BICD1: variants seen among roughly 807,000 people sequenced by gnomAD.
BICD1 encodes the protein BICD cargo adaptor 1.
In BICD1, 35 loss-of-function variants were observed where a neutral mutation model predicts 92.5. That is an observed-to-expected ratio of 0.38 (90% CI 0.29 to 0.50). BICD1 has a LOEUF of 0.50. BICD1 is among the 20% of genes least tolerant of loss of function. The probability of loss-of-function intolerance (pLI) is 0.93; values close to 1 mark genes in which losing one functional copy is unlikely to be tolerated. For missense variants in BICD1, 950 were observed against 1,189.8 expected, an observed-to-expected ratio of 0.80 and a Z score of 2.97; for synonymous variants, 429 against 465.1, an observed-to-expected ratio of 0.92 and a Z score of 1.00.
chr12:32,155,415 G>A (rs1943409853), intron 1 of BICD1, among the ~76,000 whole-genome samples: 1 of 152,194 alleles, frequency 6.6e-6, no homozygotes, highest in South Asian at 2.1e-4. Flanking sequence ...TTAATAGGCT[G>A]AGGATTTCAG....
intron 1 of BICD1, among the ~76,000 whole-genome samples, chr12:32,188,886 C>G (rs550175322): frequency 6.6e-6 from 1 of 152,200 alleles, no homozygotes; most frequent in South Asian, 2.1e-4. Flanking sequence ...CACTACCATG[C>G]CTGGCTAATT....
chr12:32,201,517 G>C (rs1041310255), intron 1 of BICD1, among the ~76,000 whole-genome samples: 2 of 151,610 alleles, frequency 1.3e-5, no homozygotes, highest in African/African-American at 4.9e-5. Flanking sequence ...AAATTAGGGG[G>C]GAAATTATTT....
intron 1 of BICD1, among the ~76,000 whole-genome samples, chr12:32,198,349 T>TATATATATATATATATATATATAC (rs1944794686): frequency 1.4e-5 from 2 of 142,466 alleles, no homozygotes; most frequent in Non-Finnish European, 3.1e-5. Context: ...TATATATATA[T>TATATATATATATATATATATATAC]ATATTCCAAA....
intron 2 of BICD1, among the ~76,000 whole-genome samples, chr12:32,292,131 GA>G (rs1415936157): frequency 6.6e-6 from 1 of 152,186 alleles, no homozygotes; most frequent in Non-Finnish European, 1.5e-5. Flanking sequence ...CCAAAAGTCA[GA>G]AATCATGGTG....
At chr12:32,177,788 T>TTA (rs1944158331) in intron 1 of BICD1, among the ~76,000 whole-genome samples, 2 of 51,042 alleles carry the variant, frequency 3.9e-5, no homozygotes, top group Non-Finnish European at 8.7e-5. Flanking sequence ...TATAAATATT[T>TTA]ATAAAAATAT....
rs763719585 is a variant in BICD1 at position 32,263,019 on chromosome 12, C to T, written c.427-30975C>T. 3.9e-5 allele frequency among the ~76,000 whole-genome samples: 6 copies of T among 152,060 alleles called. No homozygotes were observed. The South Asian group carries it at 1.2e-3, about 32-fold the overall frequency. On this transcript the variant is annotated intron_variant, in intron 2 of 9. Coordinates refer to ENST00000652176, the MANE Select transcript of BICD1 (RefSeq NM_001714.4). ...ATTAGCCAGGTGTGGTGGTGCACGC[C>T]TGTAGTCCCAGCTACTTCGGAGAGA... is the stretch of plus-strand genomic sequence containing the variant.
intron 2 of BICD1, among the ~76,000 whole-genome samples, chr12:32,293,199 T>C (rs1947768911): frequency 6.6e-6 from 1 of 152,242 alleles, no homozygotes; most frequent in African/African-American, 2.4e-5. Flanking sequence ...ATGTGTGTGT[T>C]CCCTGTATTT....
chr12:32,302,916 G>T (rs1233278522), intron 3 of BICD1, among the ~76,000 whole-genome samples: 27 of 55,804 alleles, frequency 4.8e-4, no homozygotes, highest in East Asian at 1.2e-3. Flanking sequence ...GGCATCTTTT[G>T]TACATAATGT....
chr12:32,147,019 A>T (rs954636719), intron 1 of BICD1, among the ~76,000 whole-genome samples: 5 of 151,590 alleles, frequency 3.3e-5, no homozygotes, highest in Non-Finnish European at 7.4e-5. Context: ...AGCTCACTGC[A>T]GCCTCGACCT....
At chr12:32,321,895 A>T (rs949829352) in intron 4 of BICD1, among the ~76,000 whole-genome samples, 4 of 152,200 alleles carry the variant, frequency 2.6e-5, no homozygotes, top group African/African-American at 4.8e-5. Flanking sequence ...GCTACTTGGG[A>T]GACTGAGGCA....
At position 32,174,443 on chromosome 12, in the gene BICD1, C is replaced by T. The variant is rs1158098574; in HGVS notation, c.214-41804C>T. 2.0e-5 allele frequency among the ~76,000 whole-genome samples: 3 copies of T among 151,852 alleles called. No individual in the cohort carries two copies. In the East Asian group the frequency reaches 5.8e-4, roughly 29 times the overall value. On this transcript the variant is annotated intron_variant, in intron 1 of 9. Coordinates refer to ENST00000652176, the MANE Select transcript of BICD1 (RefSeq NM_001714.4). ...GCTTAAGCCCAGGAGTTTGAGGCTG[C>T]AGTGTACAATGTTCACACTACTGCA... is the stretch of plus-strand genomic sequence containing the variant.
chr12:32,315,673 G>A (rs1471157746), intron 4 of BICD1, among the ~76,000 whole-genome samples: 1 of 152,010 alleles, frequency 6.6e-6, no homozygotes, highest in Non-Finnish European at 1.5e-5. Flanking sequence ...AGTACAGATG[G>A]TCCTTGACTT....
At chr12:32,254,143 A>AAGCTTCCAGAGTAGG in intron 2 of BICD1, among the ~76,000 whole-genome samples, 1 of 143,124 alleles carries the variant, frequency 7.0e-6, no homozygotes, top group African/African-American at 2.6e-5. Context: ...GCCGTATCCC[A>AAGCTTCCAGAGTAGG]CCTGCCATAA....
At chr12:32,233,552 T>C in intron 2 of BICD1, among the ~76,000 whole-genome samples, 1 of 149,496 alleles carries the variant, frequency 6.7e-6, no homozygotes, top group Non-Finnish European at 1.5e-5. Flanking sequence ...CCTTCCTTCC[T>C]TCCCTCCCTC....
chr12:32,207,761 C>A (rs1321431673), intron 1 of BICD1, among the ~76,000 whole-genome samples: 22 of 152,096 alleles, frequency 1.4e-4, no homozygotes. Context: ...TAATATAAAC[C>A]GTAAGAGCCT....
chr12:32,348,965 A>G (rs1395833764), intron 8 of BICD1, among the ~76,000 whole-genome samples: 1 of 152,044 alleles, frequency 6.6e-6, no homozygotes, highest in Non-Finnish European at 1.5e-5. Context: ...TCCACCCTCA[A>G]GACAGAGAAT....
At chr12:32,131,136 C>G (rs1310277199) in intron 1 of BICD1, among the ~76,000 whole-genome samples, 1 of 152,112 alleles carries the variant, frequency 6.6e-6, no homozygotes. Context: ...CGCCAGGCTG[C>G]TCCGTGACAT....
chr12:32,231,409 C>T (rs1041276542), intron 2 of BICD1, among the ~76,000 whole-genome samples: 1 of 151,970 alleles, frequency 6.6e-6, no homozygotes, highest in Non-Finnish European at 1.5e-5. Flanking sequence ...TGTGATCATA[C>T]CACTGCACTC....
chr12:32,217,190 A>G (rs1945385418), intron 2 of BICD1, among the ~76,000 whole-genome samples: 1 of 152,202 alleles, frequency 6.6e-6, no homozygotes, highest in Non-Finnish European at 1.5e-5. Context: ...AGCTATATTC[A>G]ATCATTCACT....
Sources: gnomAD v4.1 joint callset for allele counts (sites outside exome capture counted in the v4.1 genomes callset) on GRCh38, gnomAD v4.1.1 for gene constraint, MANE v1.5 for transcripts, NCBI Gene and HGNC (gene_info 2026-07-23, HGNC 2026-07-21) for gene names.